TRAF5: variants seen among roughly 807,000 people sequenced by gnomAD.
TRAF5 encodes the protein TNF receptor associated factor 5.
TRAF5 carries 48 observed loss-of-function variants against 64.5 expected under a neutral mutation model. That is an observed-to-expected ratio of 0.74 (90% CI 0.59 to 0.95). The LOEUF (loss-of-function observed/expected upper bound fraction) is 0.95. Among genes scored for constraint, TRAF5 ranks in the 40% least tolerant of loss-of-function variants. The probability of loss-of-function intolerance (pLI) is 0.00; values close to 1 mark genes in which losing one functional copy is unlikely to be tolerated. For missense variants in TRAF5, 545 were observed against 662.8 expected (o/e 0.82, Z 1.95); for synonymous variants, 206 against 240.5 (o/e 0.86, Z 1.33).
chr1:211,359,966 C>G lies in TRAF5; in HGVS notation c.433C>G (p.Arg145Gly), dbSNP rs760372611. 1 of 1,614,004 alleles carries G rather than the reference C, an allele frequency of 6.2e-7. No individual in the cohort carries two copies. The highest frequency in any genetic ancestry group is 8.5e-7 in the Non-Finnish European group (1 of 1,179,920). ...TGTGCAGTGTTCTAATGAGAAGTGC[C>G]GGGAGCCAGTCCTACGGAAAGACCT... Reference protein sequence around the residue: ...QPVQCSNEKCREPVLRKDLKE... With the variant: ...QPVQCSNEKCGEPVLRKDLKE... Residue 145 changes from arginine (R) to glycine (G), a missense_variant, in exon 5 of 11, where the codon CGG (arginine) becomes GGG (glycine). Physicochemically the swap from Arg to Gly is moderately radical, Grantham distance 125 (BLOSUM62 -2). Coordinates refer to ENST00000261464, the MANE Select transcript of TRAF5 (RefSeq NM_001033910.3).
intron 7 of TRAF5, among the ~76,000 whole-genome samples, chr1:211,362,875 A>AGG (rs79754919): frequency 2.6e-5 from 4 of 151,648 alleles, no homozygotes; most frequent in African/African-American, 7.3e-5. Context: ...GACAAAAAAA[A>AGG]GGGGGGGGCT....
chr1:211,330,479 T>TTCCCTCCCTGCC (rs1265948162), intron 1 of TRAF5, among the ~76,000 whole-genome samples: 3 of 151,898 alleles, frequency 2.0e-5, no homozygotes, highest in African/African-American at 7.3e-5. Flanking sequence ...CTGAGGCAGG[T>TTCCCTCCCTGCC]TCCCTCCCTG....
intron 8 of TRAF5, among the ~76,000 whole-genome samples, chr1:211,365,860 A>G (rs1703335491): frequency 6.6e-6 from 1 of 152,216 alleles, no homozygotes; most frequent in Non-Finnish European, 1.5e-5. Flanking sequence ...TAGCAATTTG[A>G]TGTTTCAGTT....
At chr1:211,338,528 T>C (rs1702365656) in intron 1 of TRAF5, among the ~76,000 whole-genome samples, 1 of 152,230 alleles carries the variant, frequency 6.6e-6, no homozygotes, top group African/African-American at 2.4e-5. Context: ...AAATGCATGG[T>C]GATTAAGTGC....
At chr1:211,371,820 C>T (rs2102775915) in intron 10 of TRAF5, among the ~76,000 whole-genome samples, 1 of 152,270 alleles carries the variant, frequency 6.6e-6, no homozygotes, top group African/African-American at 2.4e-5. Context: ...AAGGGTTTGG[C>T]CATTTAAAAG....
At chr1:211,358,587 T>C (rs1026643741) in intron 4 of TRAF5, 1 of 150,788 alleles carries the variant, frequency 6.6e-6, no homozygotes, top group African/African-American at 2.4e-5. Context: ...ACACCTGTAA[T>C]CCCAGCTAAT....
intron 1 of TRAF5, among the ~76,000 whole-genome samples, chr1:211,340,839 C>T (rs1413429988): frequency 2.0e-5 from 3 of 152,232 alleles, no homozygotes; most frequent in African/African-American, 4.8e-5. Context: ...CCAGAGCTGG[C>T]GGTCTTCGCA....
chr1:211,326,685 T>C, upstream of TRAF5: 1 of 986,120 alleles, frequency 1.0e-6, no homozygotes, highest in Non-Finnish European at 1.2e-6. This position sits in a 1 kb window ranked among gnomAD's most constrained non-coding sequence, Gnocchi z 5.0. Context: ...TAGGTTAGCT[T>C]TCCAACCGCC....
chr1:211,353,266 T>G lies in TRAF5; in HGVS notation c.27T>G (p.Gly9=), dbSNP rs1383770365. The part of the protein sequence containing the change: MAYSEEHK[G]MPCGFIRQNS... ...TGGCTTATTCAGAAGAGCATAAAGG[T>G]ATGCCCTGTGGTTTCATCCGCCAGA... The change falls in exon 2 of 11, where the codon GGT becomes GGG. Residue 9 remains glycine, a synonymous_variant. Transcript: ENST00000261464. 6.2e-7 allele frequency: 1 copy of G among 1,614,222 alleles called. No homozygotes were observed. The highest frequency in any genetic ancestry group is 1.7e-5 in the Admixed American group (1 of 60,024).
intron 1 of TRAF5, among the ~76,000 whole-genome samples, chr1:211,350,339 C>T (rs1268775536): frequency 6.6e-6 from 1 of 151,904 alleles, no homozygotes; most frequent in East Asian, 1.9e-4. Context: ...GCCTCAGCCT[C>T]CCAGGTAGCT....
chr1:211,342,772 G>T (rs952418334), intron 1 of TRAF5, among the ~76,000 whole-genome samples: 3 of 152,090 alleles, frequency 2.0e-5, no homozygotes, highest in African/African-American at 7.2e-5. Context: ...TCTGTGCCTG[G>T]CTTATTTCAC....
Position 211,372,427 on chromosome 1 carries a change from C to G in TRAF5, c.1399C>G (p.Arg467Gly). The G allele has an allele frequency of 6.2e-7, 1 of 1,614,056 alleles. No homozygotes were observed. The highest frequency in any genetic ancestry group is 1.1e-5 in the South Asian group (1 of 91,078). The part of the protein sequence containing the change: ...SHLSLYFVVM[R>G]GEFDSLLQWP... ...CCTGTCCCTATACTTTGTGGTCATG[C>G]GAGGAGAGTTTGACTCACTGTTGCA... The change falls in exon 11 of 11, where the codon CGA (arginine) becomes GGA (glycine). Residue 467 changes from arginine (R) to glycine (G), a missense_variant. Coordinates refer to ENST00000261464, the MANE Select transcript of TRAF5 (RefSeq NM_001033910.3).
In TRAF5 at chr1:211,365,369, A is replaced by G. The variant is rs769687965; in HGVS notation, c.697-7A>G. On this transcript the variant is annotated splice_region_variant and splice_polypyrimidine_tract_variant and intron_variant, in intron 7 of 10. Transcript: ENST00000261464. ...CAACCTGACTTATTTTTCTCTTCAT[A>G]TTGAAGGATAAACGGAGGAACCTGC... 1.5e-5 allele frequency: 24 copies of G among 1,611,192 alleles called. No homozygotes were observed. In the South Asian group the frequency reaches 1.7e-4, roughly 11 times the overall value.
chr1:211,346,887 G>A (rs1319909307), intron 1 of TRAF5, among the ~76,000 whole-genome samples: 1 of 152,182 alleles, frequency 6.6e-6, no homozygotes, highest in East Asian at 1.9e-4. Flanking sequence ...ATCAATTTAT[G>A]AAACAAGAAG....
chr1:211,372,682 A>C lies in TRAF5; in HGVS notation c.1654A>C (p.Thr552Pro). The C allele has an allele frequency of 6.2e-7, 1 of 1,614,108 alleles. No individual in the cohort carries two copies. Among genetic ancestry groups the C allele is most frequent in the Non-Finnish European group, 8.5e-7 (1 of 1,179,988 alleles). The change falls in exon 11 of 11, where the codon ACT (threonine) becomes CCT (proline). Residue 552 changes from threonine to proline, a missense_variant. Coordinates refer to ENST00000261464, the MANE Select transcript of TRAF5 (RefSeq NM_001033910.3). The part of the protein sequence containing the change: ...TLFLKVAVDL[T>P]DLEDL ...GTTCTTGAAAGTGGCCGTGGACTTA[A>C]CTGACCTGGAGGATCTCTAGTCACT... is the stretch of plus-strand genomic sequence containing the variant.
Position 211,353,345 on chromosome 1 carries a change from G to A in TRAF5, c.106G>A (p.Val36Met). The A allele has an allele frequency of 6.2e-7, 1 of 1,614,228 alleles. No homozygotes were observed. Residue 36 changes from valine to methionine, a missense_variant, in exon 2 of 11, where the codon GTG (valine) becomes ATG (methionine). Coordinates refer to ENST00000261464, the MANE Select transcript of TRAF5 (RefSeq NM_001033910.3). ...TGAGCCCAGTATAGAGTACCAGTTT[G>A]TGGAGCGGTTGGAAGAGCGCTACAA... ...DFEPSIEYQF[V>M]ERLEERYKCA... is the part of the protein sequence containing the mutation.
intron 1 of TRAF5, among the ~76,000 whole-genome samples, chr1:211,328,344 C>G (rs1702071922): frequency 6.6e-6 from 1 of 152,182 alleles, no homozygotes; most frequent in Non-Finnish European, 1.5e-5. Context: ...TGTTGTAACT[C>G]TATGGAATGG....
chr1:211,364,345 A>T (rs376121267), intron 7 of TRAF5, among the ~76,000 whole-genome samples: 2 of 152,350 alleles, frequency 1.3e-5, no homozygotes, highest in Admixed American at 6.5e-5. Context: ...GATTGGAGGC[A>T]GCATGGAAAT....
intron 1 of TRAF5, chr1:211,346,448 TCTCTGGTCCTGTGCCCTTTTCA>T (rs1702609250): frequency 1.0e-6 from 1 of 984,966 alleles, no homozygotes; most frequent in African/African-American, 1.7e-5. Context: ...GAGACAGAGG[TCTCTGGTCCTGTGCCCTTTTCA>T]CTCTGGGATT....
Sources: gnomAD v4.1 joint callset for allele counts (sites outside exome capture counted in the v4.1 genomes callset) on GRCh38, gnomAD v4.1.1 for gene constraint, Gnocchi (gnomAD v3.1) non-coding constraint, MANE v1.5 for transcripts, NCBI Gene and HGNC (gene_info 2026-07-23, HGNC 2026-07-21) for gene names.